PELI2: variants seen among roughly 807,000 people sequenced by gnomAD.
PELI2 encodes the protein E3 ubiquitin-protein ligase pellino homolog 2.
PELI2 carries 23 observed loss-of-function variants against 42.3 expected under a neutral mutation model. The ratio of observed to expected loss-of-function variants is 0.54; its 90% CI spans 0.39 to 0.77. The LOEUF (loss-of-function observed/expected upper bound fraction) is 0.77. Among genes scored for constraint, PELI2 ranks in the 30% least tolerant of loss-of-function variants. PELI2 has a pLI of 0.00. For synonymous variants in PELI2, 245 were observed against 212.2 expected, an observed-to-expected ratio of 1.15 and a Z score of -1.34; for missense variants, 463 against 553.2, an observed-to-expected ratio of 0.84 and a Z score of 1.64.
At chr14:56,175,267 A>G (rs1594610641) in intron 1 of PELI2, among the ~76,000 whole-genome samples, 2 of 152,326 alleles carry the variant, frequency 1.3e-5, no homozygotes, top group African/African-American at 4.8e-5. Flanking sequence ...AAGTGCTGGA[A>G]TTACAGGCAT....
chr14:56,229,051 G>C (rs61987362), intron 2 of PELI2, among the ~76,000 whole-genome samples: 1 of 152,228 alleles, frequency 6.6e-6, no homozygotes, highest in Non-Finnish European at 1.5e-5. Flanking sequence ...GGCTCGGGGA[G>C]GGGCGTCTGC....
chr14:56,235,894 G>T (rs917976120), intron 2 of PELI2, among the ~76,000 whole-genome samples: 3 of 152,154 alleles, frequency 2.0e-5, no homozygotes, highest in African/African-American at 7.2e-5. Context: ...AGCTGGTGAG[G>T]TTAGATTTCC....
intron 2 of PELI2, among the ~76,000 whole-genome samples, chr14:56,251,991 A>G (rs1359748418): frequency 2.0e-5 from 3 of 152,192 alleles, no homozygotes; most frequent in Admixed American, 2.0e-4. Flanking sequence ...TAGGACTTTG[A>G]GAATTGTTAT....
rs761188446 is a variant in PELI2, at chr14:56,279,828, TCTA to T, written c.309+52_309+54del. ...ATTTTAGCACGTTTTCCTTTAATTC[TCTA>T]TTTTTTATATGTAATCAGATCTTCC... On this transcript the variant is annotated intron_variant, in intron 3 of 5. Coordinates refer to ENST00000267460, the MANE Select transcript of PELI2 (RefSeq NM_021255.3). 4.3e-6 allele frequency: 4 copies of T among 920,236 alleles called. No individual in the cohort carries two copies. In the East Asian group the frequency reaches 9.8e-5, roughly 23 times the overall value. 57.0% of individuals were successfully genotyped at this position (920,236 alleles called of 1,614,324 possible).
At chr14:56,281,270 C>A (rs982813745) in intron 3 of PELI2, among the ~76,000 whole-genome samples, 8 of 152,096 alleles carry the variant, frequency 5.3e-5, no homozygotes, top group African/African-American at 1.7e-4. Flanking sequence ...TAAACCTATA[C>A]TTCCAGGAGT....
intron 2 of PELI2, among the ~76,000 whole-genome samples, chr14:56,260,527 A>C (rs977252561): frequency 6.6e-6 from 1 of 152,208 alleles, no homozygotes; most frequent in Non-Finnish European, 1.5e-5. Context: ...GTGACGGGAC[A>C]GTTCTATGTC....
chr14:56,134,777 A>G (rs201853925), intron 1 of PELI2, among the ~76,000 whole-genome samples: 1 of 140,922 alleles, frequency 7.1e-6, no homozygotes, highest in Admixed American at 7.1e-5. Context: ...TCAGTAAACT[A>G]TTTTTTTTTT....
chr14:56,133,668 A>G (rs1883577857), intron 1 of PELI2, among the ~76,000 whole-genome samples: 6 of 152,154 alleles, frequency 3.9e-5, no homozygotes, highest in African/African-American at 1.4e-4. Flanking sequence ...TCTGCCTGCT[A>G]CAACCTGCTC....
chr14:56,271,233 A>C (rs1224342802), intron 2 of PELI2, among the ~76,000 whole-genome samples: 1 of 152,178 alleles, frequency 6.6e-6, no homozygotes. Flanking sequence ...CTCGCTGTAA[A>C]CTCATTCATT....
At chr14:56,205,268 C>G (rs572821132) in intron 2 of PELI2, among the ~76,000 whole-genome samples, 26 of 151,904 alleles carry the variant, frequency 1.7e-4, no homozygotes, top group Non-Finnish European at 3.4e-4. Context: ...AGACGGCAAG[C>G]CAGGAATGCA....
At chr14:56,206,704 G>GT (rs200466693) in intron 2 of PELI2, among the ~76,000 whole-genome samples, 7 of 151,422 alleles carry the variant, frequency 4.6e-5, no homozygotes, top group South Asian at 2.1e-4. Context: ...CTCCTTGATC[G>GT]TTTTTTTTGT....
intron 1 of PELI2, among the ~76,000 whole-genome samples, chr14:56,137,060 A>AT (rs1883711162): frequency 1.3e-5 from 2 of 152,204 alleles, no homozygotes; most frequent in Admixed American, 6.5e-5. Flanking sequence ...CTGAAACAAA[A>AT]TGAGTTTTCA....
At chr14:56,248,047 A>G (rs1489489241) in intron 2 of PELI2, among the ~76,000 whole-genome samples, 1 of 152,236 alleles carries the variant, frequency 6.6e-6, no homozygotes, top group Non-Finnish European at 1.5e-5. Context: ...GCTGCCACGT[A>G]ACTGGCTCCA....
At chr14:56,196,017 G>T (rs2139696900) in intron 2 of PELI2, among the ~76,000 whole-genome samples, 1 of 152,260 alleles carries the variant, frequency 6.6e-6, no homozygotes, top group Non-Finnish European at 1.5e-5. Context: ...GAGAAGGAGG[G>T]ACTCTGTACA....
At chr14:56,136,085 A>G (rs914320753) in intron 1 of PELI2, among the ~76,000 whole-genome samples, 2 of 152,258 alleles carry the variant, frequency 1.3e-5, no homozygotes, top group African/African-American at 4.8e-5. Flanking sequence ...TGAAAATCCC[A>G]TTTATACATG....
At chr14:56,205,757 C>A (rs1489442969) in intron 2 of PELI2, among the ~76,000 whole-genome samples, 2 of 152,140 alleles carry the variant, frequency 1.3e-5, no homozygotes, top group Admixed American at 1.3e-4. Context: ...GACCTCTGAT[C>A]GCTTTGAGGG....
chr14:56,151,933 G>A (rs975110181), intron 1 of PELI2, among the ~76,000 whole-genome samples: 4 of 152,178 alleles, frequency 2.6e-5, no homozygotes, highest in African/African-American at 9.7e-5. Context: ...ATAGCCCAAA[G>A]TTGAGCAGTC....
At chr14:56,156,999 G>A (rs1184929682) in intron 1 of PELI2, among the ~76,000 whole-genome samples, 2 of 152,176 alleles carry the variant, frequency 1.3e-5, no homozygotes, top group African/African-American at 2.4e-5. Context: ...TTCAGATTAT[G>A]TACATGGCTG....
rs2139917911 is a variant in PELI2, at chr14:56,299,387, A to G, written c.*2221A>G. 6.6e-6 allele frequency: 1 copy of G among 152,286 alleles called. No homozygotes were observed. Among genetic ancestry groups the G allele is most frequent in the South Asian group, 2.1e-4 (1 of 4,826 alleles). The allele number at this position is 152,286 out of a possible 1,614,324, so 9.4% of individuals were successfully genotyped here. On this transcript the variant is annotated 3_prime_UTR_variant, in exon 6 of 6. Coordinates refer to ENST00000267460, the MANE Select transcript of PELI2 (RefSeq NM_021255.3). ...AAAGTTTCTGACTTTTAGTAAATTC[A>G]GCTTAAATATAAGTTGAAATTTGGG...
Sources: allele counts gnomAD v4.1 joint callset (sites outside exome capture counted in the v4.1 genomes callset), GRCh38; gene constraint gnomAD v4.1.1; transcripts MANE v1.5; gene names NCBI Gene and HGNC (gene_info 2026-07-23, HGNC 2026-07-21).